Variants in CRAMP1 observed in about 807,000 individuals in gnomAD.
The protein encoded by CRAMP1 is cramped chromatin regulator 1, also known as protein cramped-like.
CRAMP1 carries 50 observed loss-of-function variants against 115.4 expected under a neutral mutation model. The ratio of observed to expected loss-of-function variants is 0.43; its 90% CI spans 0.35 to 0.55. The LOEUF (loss-of-function observed/expected upper bound fraction) is 0.55. Ranked by LOEUF, CRAMP1 falls within the 20% of genes least tolerant of loss-of-function variation. The pLI is 0.01. For missense variants in CRAMP1, 1,679 were observed against 1,721.7 expected, an observed-to-expected ratio of 0.98 and a Z score of 0.44; for synonymous variants, 866 against 745.4, an observed-to-expected ratio of 1.16 and a Z score of -2.64.
chr16:1,655,424 A>T (rs958808086), intron 9 of CRAMP1, 124 bp downstream of exon 9: 13 of 788,226 alleles, frequency 1.6e-5, no homozygotes, highest in Non-Finnish European at 2.9e-5. Context: ...ATGCTGTGAC[A>T]TGGTGTACAT....
chr16:1,660,542 A>T (rs2036819508), intron 11 of CRAMP1, among the ~76,000 whole-genome samples: 1 of 152,246 alleles, frequency 6.6e-6, no homozygotes, highest in South Asian at 2.1e-4. Flanking sequence ...AGCTGCGTAT[A>T]GGAAATAATT....
chr16:1,663,600 C>T (rs775749041), intron 13 of CRAMP1, among the ~76,000 whole-genome samples: 2 of 152,176 alleles, frequency 1.3e-5, no homozygotes, highest in Non-Finnish European at 1.5e-5. Flanking sequence ...AGAGAATTCA[C>T]ATATCATAAT....
At chr16:1,664,560 C>T (rs1447941500) in intron 13 of CRAMP1, among the ~76,000 whole-genome samples, 1 of 152,178 alleles carries the variant, frequency 6.6e-6, no homozygotes, top group Admixed American at 6.5e-5. Context: ...AGGTGGATCA[C>T]CTGAGGTCAG....
chr16:1,621,950 A>G (rs1339540792), intron 2 of CRAMP1, among the ~76,000 whole-genome samples: 1 of 149,270 alleles, frequency 6.7e-6, no homozygotes, highest in Non-Finnish European at 1.5e-5. Context: ...TTCTCCTCCC[A>G]TTTTTCTTGT....
chr16:1,655,715 C>T (rs2036765422), intron 9 of CRAMP1, among the ~76,000 whole-genome samples, 162 bp from the exon 10 acceptor site: 1 of 152,206 alleles, frequency 6.6e-6, no homozygotes, highest in Admixed American at 6.5e-5. Flanking sequence ...GTGCCCGGGT[C>T]AGCATTGTTG....
intron 4 of CRAMP1, 82 bp from the exon 5 acceptor site, chr16:1,637,742 G>A: frequency 1.7e-6 from 1 of 584,602 alleles, no homozygotes; most frequent in Non-Finnish European, 2.9e-6. Context: ...GAAACCACGT[G>A]AGCCTGGTGT....
rs534333231 is a variant in CRAMP1 at position 1,672,748 on chromosome 16, G to A, written c.3646-1133G>A. On this transcript the variant is annotated intron_variant, in intron 20 of 20. Transcript: ENST00000397412. This position sits in a 1 kb window ranked among gnomAD's most constrained non-coding sequence, Gnocchi z 4.9. ...GTCCTCATGAGGCTTCTACTCTAGA[G>A]CAGGACGCAGACAATAAGCGCTGAA... Among the ~76,000 whole-genome samples the A allele has an allele frequency of 1.6e-4, 24 of 152,306 alleles. No individual in the cohort carries two copies. In the East Asian group the frequency reaches 4.4e-3, roughly 28 times the overall value.
At chr16:1,661,919 G>T (rs1567460334) in intron 11 of CRAMP1, among the ~76,000 whole-genome samples, 1 of 152,134 alleles carries the variant, frequency 6.6e-6, no homozygotes, top group Non-Finnish European at 1.5e-5. Flanking sequence ...TTACCTCTGG[G>T]TCTGTTTTCT....
At chr16:1,642,363 G>C (rs184733400) in intron 6 of CRAMP1, among the ~76,000 whole-genome samples, 13 of 152,342 alleles carry the variant, frequency 8.5e-5, no homozygotes, top group African/African-American at 2.6e-4. Flanking sequence ...TGTTGGGCAT[G>C]ATTCCCAGGC....
chr16:1,637,039 T>C (rs113550398), intron 4 of CRAMP1, among the ~76,000 whole-genome samples: 90 of 152,298 alleles, frequency 5.9e-4, no homozygotes, highest in Middle Eastern at 3.4e-3. Context: ...ATGCCTGTAA[T>C]CCCAGCACTT....
Position 1,677,189 on chromosome 16 carries a change from TC to T in CRAMP1, c.*3147del, listed in dbSNP as rs1436496211. ...CGGGCGCAGTGGCTCACGCCTGTAA[TC>T]CCAGCACTTTGGGAGGCCGAGGCGG... On this transcript the variant is annotated 3_prime_UTR_variant, in exon 21 of 21. Transcript: ENST00000397412. 3.9e-5 allele frequency: 6 copies of T among 152,570 alleles called. No individual in the cohort carries two copies. The highest frequency in any genetic ancestry group is 1.4e-4 in the African/African-American group (6 of 41,452). The allele number at this position is 152,570 out of a possible 1,614,324, so 9.5% of individuals were successfully genotyped here.
At chr16:1,662,423 A>AC in intron 11 of CRAMP1, 67 bp from the exon 12 acceptor site, 1 of 1,326,422 alleles carries the variant, frequency 7.5e-7, no homozygotes, top group Non-Finnish European at 1.1e-6. Flanking sequence ...TCCCAACGGA[A>AC]TTCCGTGACC....
intron 2 of CRAMP1, among the ~76,000 whole-genome samples, chr16:1,620,398 T>A (rs1330534874): frequency 6.6e-6 from 1 of 152,160 alleles, no homozygotes; most frequent in Non-Finnish European, 1.5e-5. Context: ...CGCCAGTGCC[T>A]TTCTAGCTGA....
At chr16:1,653,602 G>T (rs567146421) in intron 8 of CRAMP1, among the ~76,000 whole-genome samples, 1 of 152,256 alleles carries the variant, frequency 6.6e-6, no homozygotes, top group African/African-American at 2.4e-5. Flanking sequence ...GGCCAGGGCG[G>T]GTGGATCACG....
rs377108600 is a variant in CRAMP1, at chr16:1,655,659, A to G, written c.1120-218A>G. Among the ~76,000 whole-genome samples, 55 of 152,266 alleles carry G rather than the reference A, an allele frequency of 3.6e-4. 1 individual carries two copies. The East Asian group carries it at 0.011, about 29-fold the overall frequency. On this transcript the variant is annotated intron_variant, in intron 9 of 20. Coordinates refer to ENST00000397412, the MANE Select transcript of CRAMP1 (RefSeq NM_020825.4). ...TGGCTCCCGGCCCTGCCTGCTCCCC[A>G]CATAGGCGTGGTGCGTGTCAGGTGT...
chr16:1,661,350 G>A (rs527919950), intron 11 of CRAMP1, among the ~76,000 whole-genome samples: 180 of 148,802 alleles, frequency 1.2e-3, no homozygotes, highest in Non-Finnish European at 2.2e-3. Flanking sequence ...GACGGAGGGG[G>A]CCGGGTGAGG....
intron 20 of CRAMP1, among the ~76,000 whole-genome samples, chr16:1,673,622 G>A (rs573612334): frequency 2.0e-5 from 3 of 152,326 alleles, no homozygotes; most frequent in African/African-American, 2.4e-5. Flanking sequence ...GTCTCATGGC[G>A]GGCGGGGGGA....
chr16:1,613,202 T>TTGGG (rs1260963894), intron 1 of CRAMP1, among the ~76,000 whole-genome samples: 1 of 151,886 alleles, frequency 6.6e-6, no homozygotes, highest in Non-Finnish European at 1.5e-5. Context: ...ATCCCTTAAG[T>TTGGG]TGGGGTGTTT....
chr16:1,663,860 G>GT (rs35589199), intron 13 of CRAMP1, among the ~76,000 whole-genome samples: 13,948 of 152,200 alleles, frequency 0.092, 763 homozygotes, highest in African/African-American at 0.14. Flanking sequence ...TGTAAATAAA[G>GT]TTTACTGGCA....
Sources: gnomAD v4.1 joint callset for allele counts (sites outside exome capture counted in the v4.1 genomes callset) on GRCh38, gnomAD v4.1.1 for gene constraint, Gnocchi (gnomAD v3.1) non-coding constraint, MANE v1.5 for transcripts, NCBI Gene and HGNC (gene_info 2026-07-23, HGNC 2026-07-21) for gene names.